EPC2: variants seen among roughly 807,000 people sequenced by gnomAD.
EPC2 encodes the protein enhancer of polycomb 2, also known as enhancer of polycomb homolog 2.
EPC2 carries 14 observed loss-of-function variants against 92.1 expected under a neutral mutation model. That is an observed-to-expected ratio of 0.15 (90% CI 0.10 to 0.24). The LOEUF is 0.24. Ranked by LOEUF, EPC2 falls within the 10% of genes least tolerant of loss-of-function variation. The pLI, the probability that EPC2 is intolerant of heterozygous loss-of-function variation, is 1.00. For missense variants in EPC2, 755 were observed against 971.5 expected (o/e 0.78, Z 2.96); for synonymous variants, 340 against 334.7 (o/e 1.02, Z -0.17).
chr2:148,716,135 G>A (rs1272351982), intron 2 of EPC2, among the ~76,000 whole-genome samples: 1 of 152,068 alleles, frequency 6.6e-6, no homozygotes, highest in Non-Finnish European at 1.5e-5. Flanking sequence ...GAGACGATGG[G>A]GTTTTCTAGA....
chr2:148,724,681 TA>T (rs2105393252), intron 2 of EPC2, among the ~76,000 whole-genome samples: 1 of 152,256 alleles, frequency 6.6e-6, no homozygotes, highest in South Asian at 2.1e-4. Context: ...ACAACCTCAG[TA>T]AAGAATTTTA....
intron 1 of EPC2, among the ~76,000 whole-genome samples, chr2:148,678,678 C>T (rs933235686): frequency 1.3e-5 from 2 of 152,260 alleles, no homozygotes; most frequent in Non-Finnish European, 2.9e-5. Context: ...GCCGGCTGCT[C>T]CGAGTGCAGG....
intron 1 of EPC2, among the ~76,000 whole-genome samples, chr2:148,663,592 ATTTTTTTTTT>A (rs56911412): frequency 1.2e-4 from 9 of 74,366 alleles, no homozygotes; most frequent in East Asian, 8.8e-4. Flanking sequence ...ATAGATTAAG[ATTTTTTTTTT>A]TTTTTTTTTT....
chr2:148,648,185 T>C (rs1017704692), intron 1 of EPC2, among the ~76,000 whole-genome samples: 3 of 152,254 alleles, frequency 2.0e-5, no homozygotes, highest in Admixed American at 6.5e-5. Context: ...AGTTAAGATT[T>C]ATAGTCTGAA....
intron 1 of EPC2, among the ~76,000 whole-genome samples, chr2:148,659,194 G>A (rs184385942): frequency 3.8e-4 from 58 of 152,170 alleles, no homozygotes; most frequent in Middle Eastern, 3.4e-3. Context: ...GGTCTTTGGT[G>A]CCTAGATAGA....
chr2:148,784,680 CATT>C lies in EPC2; in HGVS notation c.2033_2035del (p.Leu678del), dbSNP rs771070237. On this transcript the variant is annotated inframe_deletion, in exon 13 of 14. Transcript: ENST00000258484. ...CTTTCTTTTTCAGGAACCTCTAAAA[CATT>C]ATACTCCACCAATATGGCTTTATCA... is the stretch of plus-strand genomic sequence containing the variant. 6 of 1,605,310 alleles carry C rather than the reference CATT, an allele frequency of 3.7e-6. No homozygotes were observed. Among genetic ancestry groups the C allele is most frequent in the South Asian group, 1.1e-5 (1 of 89,652 alleles).
intron 3 of EPC2, among the ~76,000 whole-genome samples, chr2:148,744,846 G>C (rs1274669658): frequency 2.0e-5 from 3 of 151,796 alleles, no homozygotes; most frequent in African/African-American, 7.3e-5. Context: ...ACAGTAGATT[G>C]TTAAAACTTT....
chr2:148,763,545 G>A (rs1683344846), intron 6 of EPC2, among the ~76,000 whole-genome samples: 1 of 152,112 alleles, frequency 6.6e-6, no homozygotes, highest in South Asian at 2.1e-4. Flanking sequence ...AATGACCTAG[G>A]GTGTTTGTGG....
chr2:148,741,991 A>G (rs2382247), intron 2 of EPC2, among the ~76,000 whole-genome samples: 22,865 of 152,140 alleles, frequency 0.15, 2,533 homozygotes, highest in East Asian at 0.46. Flanking sequence ...TATATATACT[A>G]TTCCTCCCCT....
intron 1 of EPC2, among the ~76,000 whole-genome samples, chr2:148,650,177 C>T (rs1680643754): frequency 6.6e-6 from 1 of 152,108 alleles, no homozygotes; most frequent in South Asian, 2.1e-4. Context: ...CTGTGCCTGG[C>T]ACATAATACA....
At chr2:148,736,663 CACTTTTTTCTACAGTT>C (rs1682762375) in intron 2 of EPC2, among the ~76,000 whole-genome samples, 1 of 152,100 alleles carries the variant, frequency 6.6e-6, no homozygotes, top group Non-Finnish European at 1.5e-5. Flanking sequence ...TAGCCTTCCA[CACTTTTTTCTACAGTT>C]ACTTTTTTTC....
intron 3 of EPC2, among the ~76,000 whole-genome samples, chr2:148,749,952 C>T (rs1037573154): frequency 6.6e-6 from 1 of 152,000 alleles, no homozygotes; most frequent in African/African-American, 2.4e-5. Context: ...ATTAAAAGAT[C>T]AGGGGGTCAT....
rs185902398 is a variant in EPC2 at position 148,649,768 on chromosome 2, C to G, written c.153+4598C>G. Among the ~76,000 whole-genome samples the G allele has an allele frequency of 4.2e-4, 64 of 152,318 alleles. 1 individual carries two copies. The highest frequency in any genetic ancestry group is 1.4e-3 in the African/African-American group (58 of 41,586). On this transcript the variant is annotated intron_variant, in intron 1 of 13. Transcript: ENST00000258484. ...CCATGCTGCATATTCAGGGTTCTTA[C>G]AGAATCCAGAGTTATCTTCTGAACT...
At chr2:148,690,500 A>T (rs1261734468) in intron 2 of EPC2, 127 bp downstream of exon 2, 2 of 844,634 alleles carry the variant, frequency 2.4e-6, no homozygotes, top group East Asian at 2.7e-5. Context: ...TATGTTAAAC[A>T]TTAAAGAATA....
At chr2:148,699,143 G>A (rs979628766) in intron 2 of EPC2, among the ~76,000 whole-genome samples, 7 of 152,040 alleles carry the variant, frequency 4.6e-5, no homozygotes, top group African/African-American at 1.7e-4. Context: ...GGAAAAATAA[G>A]ATTTTAGGCT....
chr2:148,646,952 A>G (rs1422446123), intron 1 of EPC2, among the ~76,000 whole-genome samples: 1 of 152,112 alleles, frequency 6.6e-6, no homozygotes, highest in African/African-American at 2.4e-5. Context: ...TCCACTAAAA[A>G]TACAAAAATT....
rs1032113829 is a variant in EPC2, at chr2:148,763,544, G to C, written c.948+742G>C. Among the ~76,000 whole-genome samples the C allele has an allele frequency of 5.1e-4, 78 of 152,152 alleles. 1 individual carries two copies. The highest frequency in any genetic ancestry group is 1.3e-4 in the Non-Finnish European group (9 of 68,018). On this transcript the variant is annotated intron_variant, in intron 6 of 13. Coordinates refer to ENST00000258484, the MANE Select transcript of EPC2 (RefSeq NM_015630.4). ...GTAGCAAAATTTTTTAAATGACCTA[G>C]GGTGTTTGTGGAAAATTCATCTTTT... is the stretch of plus-strand genomic sequence containing the variant.
chr2:148,645,198 C>G, intron 1 of EPC2, 28 bp downstream of exon 1: 4 of 1,544,980 alleles, frequency 2.6e-6, no homozygotes, highest in Admixed American at 1.9e-5. Flanking sequence ...TATTACCCCC[C>G]CTTCCCTCCT....
chr2:148,769,001 T>C (rs1683467123), intron 7 of EPC2, 150 bp from the exon 8 acceptor site: 1 of 592,420 alleles, frequency 1.7e-6, no homozygotes, highest in Admixed American at 2.9e-5. Flanking sequence ...AAATTTTTGC[T>C]AGTCATTGAA....
Sources: gnomAD v4.1 joint callset for allele counts (sites outside exome capture counted in the v4.1 genomes callset) on GRCh38, gnomAD v4.1.1 for gene constraint, MANE v1.5 for transcripts, NCBI Gene and HGNC (gene_info 2026-07-23, HGNC 2026-07-21) for gene names.